PDZRN3: variants seen among roughly 807,000 people sequenced by gnomAD.
PDZRN3 encodes the protein E3 ubiquitin-protein ligase PDZRN3.
A neutral mutation model predicts 85.7 loss-of-function variants in PDZRN3; 38 were observed. The ratio of observed to expected loss-of-function variants is 0.44; its 90% CI spans 0.34 to 0.58. The LOEUF is 0.58. Among genes scored for constraint, PDZRN3 ranks in the 20% least tolerant of loss-of-function variants. PDZRN3 has a pLI of 0.01. For missense variants in PDZRN3, 1,629 were observed against 1,506.4 expected, an observed-to-expected ratio of 1.08 and a Z score of -1.35; for synonymous variants, 759 against 638.0, an observed-to-expected ratio of 1.19 and a Z score of -2.86.
At chr3:73,416,686 G>C (rs922148688) in intron 3 of PDZRN3, among the ~76,000 whole-genome samples, 9 of 152,138 alleles carry the variant, frequency 5.9e-5, no homozygotes, top group African/African-American at 1.7e-4. Context: ...ACTGAATCTT[G>C]TATCTCTGAA....
intron 3 of PDZRN3, among the ~76,000 whole-genome samples, chr3:73,407,194 A>G (rs1701872710): frequency 6.6e-6 from 1 of 152,180 alleles, no homozygotes; most frequent in Admixed American, 6.5e-5. Flanking sequence ...CCATCCTTAA[A>G]CTAGGACTAA....
At chr3:73,439,403 A>G (rs1041097923) in intron 3 of PDZRN3, among the ~76,000 whole-genome samples, 3 of 152,234 alleles carry the variant, frequency 2.0e-5, no homozygotes, top group Admixed American at 1.3e-4. Context: ...AGTTGCTCCC[A>G]CAAGCCCTGT....
intron 3 of PDZRN3, among the ~76,000 whole-genome samples, chr3:73,528,415 C>T (rs1409555999): frequency 1.3e-5 from 2 of 152,102 alleles, no homozygotes; most frequent in African/African-American, 4.8e-5. Context: ...ACGCAATATA[C>T]AGGGGAGCAC....
chr3:73,446,829 T>C (rs1702757058), intron 3 of PDZRN3, among the ~76,000 whole-genome samples: 1 of 151,920 alleles, frequency 6.6e-6, no homozygotes, highest in African/African-American at 2.4e-5. Context: ...TCCTACTGCA[T>C]CGAGTGAGTA....
chr3:73,602,737 C>A (rs929501774), intron 2 of PDZRN3, among the ~76,000 whole-genome samples: 1 of 152,194 alleles, frequency 6.6e-6, no homozygotes, highest in African/African-American at 2.4e-5. Flanking sequence ...CTTTATGCAT[C>A]CTTTTGAAAA....
At chr3:73,514,564 T>C (rs527624129) in intron 3 of PDZRN3, among the ~76,000 whole-genome samples, 5 of 152,308 alleles carry the variant, frequency 3.3e-5, no homozygotes, top group East Asian at 1.9e-4. Flanking sequence ...ATTTCCAGTA[T>C]ATATGATGTA....
chr3:73,619,232 A>G (rs1203591629), intron 1 of PDZRN3, among the ~76,000 whole-genome samples: 2 of 152,224 alleles, frequency 1.3e-5, no homozygotes, highest in African/African-American at 2.4e-5. Flanking sequence ...GACTGCCAAG[A>G]CAGGCCTTTC....
chr3:73,454,254 TC>T (rs1403332608), intron 3 of PDZRN3, among the ~76,000 whole-genome samples: 1 of 152,076 alleles, frequency 6.6e-6, no homozygotes, highest in Non-Finnish European at 1.5e-5. Flanking sequence ...CCAGAGAGTC[TC>T]TGAGAAGCCT....
At chr3:73,474,623 A>G in intron 3 of PDZRN3, 1 of 1,232,938 alleles carries the variant, frequency 8.1e-7, no homozygotes, top group Non-Finnish European at 1.0e-6. Context: ...GAGAGTACTG[A>G]GCAAATGCTA....
Position 73,409,839 on chromosome 3 carries a change from A to G in PDZRN3, c.919-5444T>C, listed in dbSNP as rs371566904. Reference sequence around the variant, plus strand: ...TTAGAATGTAGTATTTGGAAAAGGCATACTATACTCTCTCCAAATTAGAAA... The same window carrying G: ...TTAGAATGTAGTATTTGGAAAAGGCGTACTATACTCTCTCCAAATTAGAAA... On this transcript the variant is annotated intron_variant, in intron 3 of 9. Coordinates refer to ENST00000263666, the MANE Select transcript of PDZRN3 (RefSeq NM_015009.3). 1.1e-4 allele frequency among the ~76,000 whole-genome samples: 16 copies of G among 152,352 alleles called. No homozygotes were observed. The South Asian group carries it at 3.3e-3, about 32-fold the overall frequency.
intron 3 of PDZRN3, among the ~76,000 whole-genome samples, chr3:73,411,627 C>G (rs1701970349): frequency 6.7e-6 from 1 of 148,920 alleles, no homozygotes; most frequent in Non-Finnish European, 1.5e-5. Flanking sequence ...AGGTGATGAT[C>G]TGGCCTCCAG....
chr3:73,512,442 T>C (rs1390912723), intron 3 of PDZRN3, among the ~76,000 whole-genome samples: 1 of 152,246 alleles, frequency 6.6e-6, no homozygotes. Context: ...CTTTTAACAT[T>C]GCATATATTT....
intron 5 of PDZRN3, among the ~76,000 whole-genome samples, chr3:73,395,313 C>G (rs1701612984): frequency 6.6e-6 from 1 of 152,192 alleles, no homozygotes; most frequent in African/African-American, 2.4e-5. Flanking sequence ...TGTTATCTGT[C>G]TGTGATGGAG....
chr3:73,404,858 C>G (rs3912603), intron 3 of PDZRN3, among the ~76,000 whole-genome samples: 9,395 of 152,282 alleles, frequency 0.062, 373 homozygotes, highest in African/African-American at 0.12. Flanking sequence ...TCCTTTCGCT[C>G]TTTAAAAAGT....
At chr3:73,584,867 A>T (rs945119204) in intron 3 of PDZRN3, among the ~76,000 whole-genome samples, 2 of 152,100 alleles carry the variant, frequency 1.3e-5, no homozygotes, top group African/African-American at 4.8e-5. Context: ...TGTAATTGGG[A>T]TATCACCCAC....
chr3:73,543,707 G>A (rs369835902), intron 3 of PDZRN3, among the ~76,000 whole-genome samples: 4 of 152,284 alleles, frequency 2.6e-5, no homozygotes, highest in African/African-American at 4.8e-5. Context: ...AATGAACTGC[G>A]CTGTAGAGAG....
intron 3 of PDZRN3, among the ~76,000 whole-genome samples, chr3:73,493,241 T>C (rs141334737): frequency 6.6e-6 from 1 of 152,144 alleles, no homozygotes; most frequent in African/African-American, 2.4e-5. Context: ...ATGTTCTACC[T>C]GTCTTTCTGA....
In PDZRN3 at chr3:73,388,083, A is replaced by AAAAC; in HGVS notation, c.1417-15_1417-14insGTTT. ...TATCCCATTAATCTTTTAAAAAAAA[A>AAAAC]GGGGGGGTGGGGAGAGTGGGGAGAC... On this transcript the variant is annotated splice_polypyrimidine_tract_variant and intron_variant, in intron 7 of 9. Coordinates refer to ENST00000263666, the MANE Select transcript of PDZRN3 (RefSeq NM_015009.3). 7.7e-6 allele frequency: 7 copies of AAAAC among 908,168 alleles called. No individual in the cohort carries two copies. Among genetic ancestry groups the AAAAC allele is most frequent in the Non-Finnish European group, 1.2e-5 (7 of 588,928 alleles). The allele number at this position is 908,168 out of a possible 1,614,324, so 56.3% of individuals were successfully genotyped here.
rs369301253 is a variant in PDZRN3, at chr3:73,581,658, TCA to T, written c.918+20694_918+20695del. Among the ~76,000 whole-genome samples, 47 of 152,320 alleles carry T rather than the reference TCA, an allele frequency of 3.1e-4. 1 individual carries two copies. The South Asian group carries it at 8.3e-3, about 27-fold the overall frequency. ...GGAACTGTCACTGAATAAAGTGGAC[TCA>T]CACTCATATGATGCAACATCATGCA... On this transcript the variant is annotated intron_variant, in intron 3 of 9. Coordinates refer to ENST00000263666, the MANE Select transcript of PDZRN3 (RefSeq NM_015009.3).
Sources: gnomAD v4.1 joint callset for allele counts (sites outside exome capture counted in the v4.1 genomes callset) on GRCh38, gnomAD v4.1.1 for gene constraint, MANE v1.5 for transcripts, NCBI Gene and HGNC (gene_info 2026-07-23, HGNC 2026-07-21) for gene names.